NPAS3: variants seen among roughly 807,000 people sequenced by gnomAD.
The protein encoded by NPAS3 is neuronal PAS domain-containing protein 3.
In NPAS3, 14 loss-of-function variants were observed where a neutral mutation model predicts 73.1. That is an observed-to-expected ratio of 0.19 (90% CI 0.13 to 0.30). The LOEUF is 0.30. NPAS3 is among the 10% of genes least tolerant of loss of function. The pLI, the probability that NPAS3 is intolerant of heterozygous loss-of-function variation, is 1.00. For missense variants in NPAS3, 1,096 were observed against 1,250.0 expected (o/e 0.88, Z 1.86); for synonymous variants, 620 against 541.5 (o/e 1.14, Z -2.01).
intron 5 of NPAS3, among the ~76,000 whole-genome samples, chr14:33,666,338 C>T (rs2059449570): frequency 1.3e-5 from 2 of 152,184 alleles, no homozygotes; most frequent in Non-Finnish European, 2.9e-5. Flanking sequence ...TGTCCTTACT[C>T]ATTCTTTTCT....
At chr14:33,085,143 G>C (rs1340704228) in intron 2 of NPAS3, among the ~76,000 whole-genome samples, 1 of 152,200 alleles carries the variant, frequency 6.6e-6, no homozygotes, top group Non-Finnish European at 1.5e-5. Flanking sequence ...TGTTGCGTGA[G>C]ATTTGTCTAT....
chr14:33,626,568 G>A (rs1394887914), intron 5 of NPAS3, among the ~76,000 whole-genome samples: 2 of 152,138 alleles, frequency 1.3e-5, no homozygotes, highest in African/African-American at 2.4e-5. Flanking sequence ...CATCATGGAA[G>A]CACAGAATGA....
intron 1 of NPAS3, among the ~76,000 whole-genome samples, chr14:33,051,119 A>G (rs1283945872): frequency 6.7e-6 from 1 of 150,106 alleles, no homozygotes; most frequent in Non-Finnish European, 1.5e-5. Flanking sequence ...CTAAAAATAC[A>G]AAAAATTAGC....
chr14:33,676,330 TGAG>T (rs759433268), exon 6 of NPAS3: 1 of 1,608,744 alleles, frequency 6.2e-7, no homozygotes, highest in South Asian at 1.1e-5. Flanking sequence ...AGGGCACTGC[TGAG>T]GACGGAGCCA....
chr14:33,640,783 T>C (rs1334813018), intron 5 of NPAS3, among the ~76,000 whole-genome samples: 1 of 152,230 alleles, frequency 6.6e-6, no homozygotes, highest in Non-Finnish European at 1.5e-5. Flanking sequence ...AAAATCTCGT[T>C]GTACAAATAC....
chr14:33,349,226 T>A (rs981300010), intron 3 of NPAS3, among the ~76,000 whole-genome samples: 2 of 152,242 alleles, frequency 1.3e-5, no homozygotes, highest in African/African-American at 4.8e-5. Context: ...GTCAAAAATA[T>A]AACTTAAATG....
At chr14:32,975,332 C>CCTCCGTCACTCCCTTCCT (rs1566422084) in intron 1 of NPAS3, among the ~76,000 whole-genome samples, 4 of 150,890 alleles carry the variant, frequency 2.7e-5, no homozygotes, top group South Asian at 2.1e-4. Context: ...CTGCCTCCTT[C>CCTCCGTCACTCCCTTCCT]CCTTTTTAGA....
At chr14:33,105,402 TG>T (rs765246697) in intron 2 of NPAS3, among the ~76,000 whole-genome samples, 2 of 152,200 alleles carry the variant, frequency 1.3e-5, no homozygotes, top group Non-Finnish European at 2.9e-5. Context: ...GCTGCTCCTA[TG>T]ATCTGCATTT....
intron 3 of NPAS3, among the ~76,000 whole-genome samples, chr14:33,332,646 A>G (rs532607292): frequency 6.6e-6 from 1 of 152,310 alleles, no homozygotes; most frequent in Admixed American, 6.5e-5. Context: ...TGGATGTCTC[A>G]TACTGGGACT....
At chr14:33,588,448 G>C (rs1173398707) in intron 5 of NPAS3, among the ~76,000 whole-genome samples, 1 of 152,162 alleles carries the variant, frequency 6.6e-6, no homozygotes, top group East Asian at 1.9e-4. Context: ...GTAGACCCAA[G>C]TCCCCCTGAC....
chr14:33,074,121 T>C (rs991360605), intron 2 of NPAS3, among the ~76,000 whole-genome samples: 1 of 152,168 alleles, frequency 6.6e-6, no homozygotes, highest in Admixed American at 6.5e-5. Flanking sequence ...ATTATATTTA[T>C]TGATAGAGCA....
chr14:33,641,650 C>A (rs2058679086), intron 5 of NPAS3, among the ~76,000 whole-genome samples: 1 of 151,758 alleles, frequency 6.6e-6, no homozygotes, highest in African/African-American at 2.4e-5. Flanking sequence ...ACCTCCTACT[C>A]CACATTTGTT....
At chr14:33,546,322 C>T (rs754742351) in intron 4 of NPAS3, among the ~76,000 whole-genome samples, 10 of 152,210 alleles carry the variant, frequency 6.6e-5, no homozygotes, top group Non-Finnish European at 1.2e-4. Context: ...ATATTTCAGC[C>T]CATGTCCTCC....
At chr14:33,512,320 T>A (rs984591245) in intron 4 of NPAS3, among the ~76,000 whole-genome samples, 6 of 152,038 alleles carry the variant, frequency 3.9e-5, no homozygotes, top group Non-Finnish European at 8.8e-5. Flanking sequence ...ACATGGCATG[T>A]TGTTTTCCTG....
chr14:33,739,377 C>T (rs991942238), intron 7 of NPAS3, among the ~76,000 whole-genome samples: 1 of 152,126 alleles, frequency 6.6e-6, no homozygotes, highest in African/African-American at 2.4e-5. Flanking sequence ...ATAAAGAATT[C>T]TAAAGAAATA....
chr14:33,298,940 C>A (rs1450986305), intron 3 of NPAS3, among the ~76,000 whole-genome samples: 1 of 152,118 alleles, frequency 6.6e-6, no homozygotes, highest in Non-Finnish European at 1.5e-5. Flanking sequence ...GACTGGGGGG[C>A]CTGTATTCAT....
intron 1 of NPAS3, among the ~76,000 whole-genome samples, chr14:32,956,324 G>A (rs1173564479): frequency 6.6e-6 from 1 of 152,122 alleles, no homozygotes; most frequent in Non-Finnish European, 1.5e-5. Flanking sequence ...TTTCTCCTCT[G>A]TTGGCACAAT....
intron 3 of NPAS3, among the ~76,000 whole-genome samples, chr14:33,281,955 T>A (rs1457547974): frequency 1.3e-5 from 2 of 152,142 alleles, no homozygotes; most frequent in Non-Finnish European, 2.9e-5. Flanking sequence ...TAATTCAAGT[T>A]TTTTTGCTAA....
At chr14:33,256,431 C>A (rs1366945428) in intron 3 of NPAS3, among the ~76,000 whole-genome samples, 1 of 152,000 alleles carries the variant, frequency 6.6e-6, no homozygotes, top group Non-Finnish European at 1.5e-5. Flanking sequence ...AGTAATAGGA[C>A]CCAATTTAAA....
Sources: allele counts gnomAD v4.1 joint callset (sites outside exome capture counted in the v4.1 genomes callset), GRCh38; gene constraint gnomAD v4.1.1; transcripts MANE v1.5; gene names NCBI Gene and HGNC (gene_info 2026-07-23, HGNC 2026-07-21).